Variants in NXPE2 observed in about 807,000 individuals in gnomAD.
NXPE2 encodes NXPE family member 2.
Under a neutral mutation model 34.4 loss-of-function variants are expected in NXPE2, and 34 were observed. The ratio of observed to expected loss-of-function variants is 0.99; its 90% confidence interval spans 0.75 to 1.31. NXPE2 has a LOEUF of 1.31. Ranked by LOEUF, NXPE2 falls within the 40% of genes most tolerant of loss-of-function variation. The probability of loss-of-function intolerance (pLI) is 0.00; values close to 1 mark genes in which losing one functional copy is unlikely to be tolerated. For missense variants in NXPE2, 649 were observed against 672.5 expected, an observed-to-expected ratio of 0.97 and a Z score of 0.39; for synonymous variants, 235 against 231.3, an observed-to-expected ratio of 1.02 and a Z score of -0.15.
chr11:114,537,852 C>G, the NXPE2 span, among the ~76,000 whole-genome samples: 14 of 151,638 alleles, frequency 9.2e-5, no homozygotes, highest in Non-Finnish European at 1.9e-4. Context: ...AATGGCCATA[C>G]TGCCCAAGGT....
chr11:114,551,703 A>G, the NXPE2 span, among the ~76,000 whole-genome samples: 1 of 152,260 alleles, frequency 6.6e-6, no homozygotes, highest in East Asian at 1.9e-4. Context: ...CTGAATGCCA[A>G]GTCTGAAATT....
the NXPE2 span, among the ~76,000 whole-genome samples, chr11:114,496,866 C>T: frequency 2.6e-5 from 4 of 152,062 alleles, no homozygotes; most frequent in Admixed American, 6.5e-5. Flanking sequence ...ATGTTACTTA[C>T]GTCTTTGTGC....
At chr11:114,806,583 A>G in the NXPE2 span, among the ~76,000 whole-genome samples, 1 of 152,264 alleles carries the variant, frequency 6.6e-6, no homozygotes, top group Non-Finnish European at 1.5e-5. Flanking sequence ...ATCAACTGGA[A>G]GAAAGGGTAT....
chr11:114,465,315 A>T, the NXPE2 span, among the ~76,000 whole-genome samples: 13 of 152,226 alleles, frequency 8.5e-5, no homozygotes, highest in African/African-American at 3.1e-4. Flanking sequence ...ATGATACTGC[A>T]ATAAAAAGAT....
the NXPE2 span, among the ~76,000 whole-genome samples, chr11:114,743,340 G>T: frequency 6.6e-6 from 1 of 152,044 alleles, no homozygotes; most frequent in Non-Finnish European, 1.5e-5. Context: ...TGTAATCTTA[G>T]CTCTGTGTCT....
chr11:114,673,236 A>C, the NXPE2 span, among the ~76,000 whole-genome samples: 23 of 151,568 alleles, frequency 1.5e-4, no homozygotes, highest in Admixed American at 7.9e-4. Flanking sequence ...TCAAGGTGTC[A>C]AAGAAGAAAT....
At chr11:114,806,464 T>C in the NXPE2 span, among the ~76,000 whole-genome samples, 181 of 151,864 alleles carry the variant, frequency 1.2e-3, 1 homozygote, top group African/African-American at 4.2e-3. Flanking sequence ...ATTAGACAAA[T>C]GGATAACTAG....
chr11:114,734,461 TTTC>T, the NXPE2 span, among the ~76,000 whole-genome samples: 2 of 152,188 alleles, frequency 1.3e-5, no homozygotes, highest in Non-Finnish European at 2.9e-5. Context: ...TTGGTTTACT[TTTC>T]TTTGTAATCC....
At chr11:114,739,585 G>T in the NXPE2 span, among the ~76,000 whole-genome samples, 1 of 152,030 alleles carries the variant, frequency 6.6e-6, no homozygotes, top group Non-Finnish European at 1.5e-5. Context: ...GTATGTGTGT[G>T]TGGTGAGAAT....
the NXPE2 span, among the ~76,000 whole-genome samples, chr11:114,606,398 G>C: frequency 2.0e-5 from 3 of 151,896 alleles, no homozygotes; most frequent in Non-Finnish European, 2.9e-5. Context: ...GGTAACCACT[G>C]TTACCCGGTG....
chr11:114,591,626 GC>G, the NXPE2 span, among the ~76,000 whole-genome samples: 1 of 152,148 alleles, frequency 6.6e-6, no homozygotes, highest in African/African-American at 2.4e-5. Context: ...ATACTTTCCA[GC>G]CCTCAGGATG....
At chr11:114,671,048 T>C in the NXPE2 span, among the ~76,000 whole-genome samples, 3 of 147,828 alleles carry the variant, frequency 2.0e-5, no homozygotes, top group Non-Finnish European at 4.5e-5. Context: ...TATATATATA[T>C]AAAAATATAA....
the NXPE2 span, among the ~76,000 whole-genome samples, chr11:114,660,495 A>C: frequency 4.6e-5 from 7 of 152,070 alleles, no homozygotes; most frequent in Admixed American, 2.0e-4. Context: ...CCATATCATT[A>C]GGCTAAAGAA....
the NXPE2 span, chr11:114,528,688 C>A: frequency 2.1e-6 from 1 of 465,532 alleles, no homozygotes; most frequent in Non-Finnish European, 3.9e-6. Context: ...CTCTTACTCA[C>A]ACTTTGTTTC....
chr11:114,725,011 C>T, the NXPE2 span, among the ~76,000 whole-genome samples: 1 of 151,062 alleles, frequency 6.6e-6, no homozygotes, highest in African/African-American at 2.4e-5. Flanking sequence ...TTCACTTGAA[C>T]CCAGGAGCAG....
chr11:114,639,473 A>G, the NXPE2 span, among the ~76,000 whole-genome samples: 1 of 150,918 alleles, frequency 6.6e-6, no homozygotes. Flanking sequence ...CGCTGCCCCC[A>G]CTGTCCTGTG....
At chr11:114,803,129 G>A in the NXPE2 span, among the ~76,000 whole-genome samples, 3 of 152,176 alleles carry the variant, frequency 2.0e-5, no homozygotes, top group Admixed American at 1.3e-4. Context: ...GGGCCACACG[G>A]CCTTTGTCAA....
chr11:114,737,686 G>A, the NXPE2 span, among the ~76,000 whole-genome samples: 1 of 152,138 alleles, frequency 6.6e-6, no homozygotes, highest in Non-Finnish European at 1.5e-5. Flanking sequence ...TGGGACACAA[G>A]TCTAGGGTTT....
At chr11:114,562,739 A>G in the NXPE2 span, among the ~76,000 whole-genome samples, 20 of 152,296 alleles carry the variant, frequency 1.3e-4, no homozygotes, top group Admixed American at 4.6e-4. Context: ...AATGACTCAT[A>G]TGAGTGGGAA....
Sources: allele counts gnomAD v4.1 joint callset (sites outside exome capture counted in the v4.1 genomes callset), GRCh38; gene constraint gnomAD v4.1.1; transcripts MANE v1.5; gene names NCBI Gene and HGNC (gene_info 2026-07-23, HGNC 2026-07-21).